Variants in GRID2 observed in about 807,000 individuals in gnomAD.
The protein encoded by GRID2 is glutamate receptor ionotropic, delta-2.
A neutral mutation model predicts 114.8 loss-of-function variants in GRID2; 33 were observed. That is an observed-to-expected ratio of 0.29 (90% CI 0.22 to 0.38). GRID2 has a LOEUF of 0.38. Among genes scored for constraint, GRID2 ranks in the 10% least tolerant of loss-of-function variants. The pLI is 1.00. For synonymous variants in GRID2, 505 were observed against 449.9 expected, an observed-to-expected ratio of 1.12 and a Z score of -1.55; for missense variants, 1,184 against 1,257.7, an observed-to-expected ratio of 0.94 and a Z score of 0.89.
chr4:92,737,526 C>T (rs1736655938), intron 2 of GRID2, among the ~76,000 whole-genome samples: 2 of 152,018 alleles, frequency 1.3e-5, no homozygotes, highest in Admixed American at 1.3e-4. Context: ...TTTAGTTCTC[C>T]TTCATAAGTC....
chr4:92,904,058 A>T (rs767421083), intron 2 of GRID2, among the ~76,000 whole-genome samples: 17 of 151,878 alleles, frequency 1.1e-4, no homozygotes, highest in Non-Finnish European at 2.4e-4. Context: ...TGTCTGTCAC[A>T]CAGGCTCTTT....
intron 2 of GRID2, among the ~76,000 whole-genome samples, chr4:92,966,074 T>A (rs1753136257): frequency 6.6e-6 from 1 of 151,964 alleles, no homozygotes; most frequent in African/African-American, 2.4e-5. Flanking sequence ...TCTTTTGTGA[T>A]ATGAATCTGT....
chr4:92,902,136 A>G (rs1333753422), intron 2 of GRID2, among the ~76,000 whole-genome samples: 1 of 152,074 alleles, frequency 6.6e-6, no homozygotes, highest in African/African-American at 2.4e-5. Context: ...CTAATATTCT[A>G]TTTGGGATTT....
At chr4:92,315,430 A>T (rs1725917328) in intron 1 of GRID2, among the ~76,000 whole-genome samples, 2 of 152,178 alleles carry the variant, frequency 1.3e-5, no homozygotes, top group African/African-American at 4.8e-5. Context: ...AACTTAATTG[A>T]TGAAATACAG....
chr4:93,128,027 CAA>C (rs1008311457), intron 4 of GRID2, among the ~76,000 whole-genome samples: 1 of 20,340 alleles, frequency 4.9e-5, no homozygotes, highest in Non-Finnish European at 9.7e-5. Context: ...TCCCCCGCAA[CAA>C]AAAAAAAAAA....
chr4:93,445,451 G>A (rs1185480838), intron 10 of GRID2, among the ~76,000 whole-genome samples: 13 of 151,916 alleles, frequency 8.6e-5, no homozygotes, highest in Non-Finnish European at 4.4e-5. Flanking sequence ...ACAGTTCAGT[G>A]TTTAAACTTA....
At chr4:93,057,428 T>G (rs1052406196) in intron 2 of GRID2, among the ~76,000 whole-genome samples, 1 of 151,868 alleles carries the variant, frequency 6.6e-6, no homozygotes, top group Non-Finnish European at 1.5e-5. Context: ...CTTTGAATTT[T>G]TTGTTGTTGT....
intron 4 of GRID2, chr4:93,203,952 T>C (rs892980284): frequency 2.6e-5 from 4 of 152,140 alleles, no homozygotes; most frequent in African/African-American, 9.7e-5. Context: ...CTCAGTCACA[T>C]GGCCTTGTAA....
chr4:92,410,723 G>A (rs1731255620), intron 1 of GRID2, among the ~76,000 whole-genome samples: 1 of 151,702 alleles, frequency 6.6e-6, no homozygotes, highest in African/African-American at 2.4e-5. Context: ...TCCTTTATCT[G>A]AAACTCTTGG....
intron 2 of GRID2, among the ~76,000 whole-genome samples, chr4:92,634,962 C>T (rs1182225059): frequency 6.6e-6 from 1 of 151,838 alleles, no homozygotes; most frequent in African/African-American, 2.4e-5. Context: ...AATAAAGAAG[C>T]TTTCCCCAAA....
chr4:92,722,463 G>T (rs1030365090), intron 2 of GRID2, among the ~76,000 whole-genome samples: 1 of 152,046 alleles, frequency 6.6e-6, no homozygotes, highest in African/African-American at 2.4e-5. Context: ...GAACGGGTGG[G>T]GTGGCAATCC....
At chr4:92,794,865 ATAAT>A (rs1276551915) in intron 2 of GRID2, among the ~76,000 whole-genome samples, 1 of 117,362 alleles carries the variant, frequency 8.5e-6, no homozygotes, top group Admixed American at 9.3e-5. Context: ...CATTTAATAA[ATAAT>A]TGTTTTATAT....
chr4:92,932,872 T>C (rs1381478741), intron 2 of GRID2, among the ~76,000 whole-genome samples: 1 of 151,312 alleles, frequency 6.6e-6, no homozygotes, highest in Non-Finnish European at 1.5e-5. Context: ...ACGGAATTTG[T>C]AAAGTAGGCA....
chr4:92,664,722 G>T (rs374472316), intron 2 of GRID2, among the ~76,000 whole-genome samples: 1 of 150,934 alleles, frequency 6.6e-6, no homozygotes, highest in African/African-American at 2.4e-5. Flanking sequence ...CTGTTATTAG[G>T]TACATGAATG....
chr4:92,996,315 T>TA (rs1222102133), intron 2 of GRID2, among the ~76,000 whole-genome samples: 28 of 151,780 alleles, frequency 1.8e-4, no homozygotes, highest in Admixed American at 5.9e-4. Context: ...ATAAAAAAAA[T>TA]AAAAAATAAT....
At chr4:93,603,688 G>A (rs979485116) in intron 13 of GRID2, among the ~76,000 whole-genome samples, 1 of 152,204 alleles carries the variant, frequency 6.6e-6, no homozygotes, top group Non-Finnish European at 1.5e-5. Context: ...TCTGACTCTT[G>A]TTAGGGCCTA....
At chr4:93,606,440 C>T (rs981494125) in intron 13 of GRID2, among the ~76,000 whole-genome samples, 2 of 152,136 alleles carry the variant, frequency 1.3e-5, no homozygotes, top group African/African-American at 4.8e-5. Flanking sequence ...GTGAGCCCAA[C>T]TAGAGATAAA....
chr4:92,411,044 A>G (rs930522149), intron 1 of GRID2, among the ~76,000 whole-genome samples: 1 of 152,152 alleles, frequency 6.6e-6, no homozygotes, highest in Non-Finnish European at 1.5e-5. Flanking sequence ...ATTATAGCTA[A>G]GTGTTTATGG....
chr4:92,887,701 C>T (rs936523840), intron 2 of GRID2, among the ~76,000 whole-genome samples: 6 of 152,266 alleles, frequency 3.9e-5, no homozygotes, highest in East Asian at 1.9e-4. Context: ...AATCAGATTT[C>T]GCCTGTGTAT....
Sources: gnomAD v4.1 joint callset for allele counts (sites outside exome capture counted in the v4.1 genomes callset) on GRCh38, gnomAD v4.1.1 for gene constraint, MANE v1.5 for transcripts, NCBI Gene and HGNC (gene_info 2026-07-23, HGNC 2026-07-21) for gene names.